The following AKAP6 variants were observed in gnomAD, a reference collection of about 807,000 sequenced individuals.
The protein encoded by AKAP6 is A-kinase anchoring protein 6.
A neutral mutation model predicts 188.5 loss-of-function variants in AKAP6; 58 were observed. The ratio of observed to expected loss-of-function variants is 0.31; its 90% CI spans 0.25 to 0.38. The LOEUF (loss-of-function observed/expected upper bound fraction) is 0.38, where lower values mean the gene tolerates loss of function less well. AKAP6 is among the 10% of genes least tolerant of loss of function. The pLI, the probability that AKAP6 is intolerant of heterozygous loss-of-function variation, is 1.00. For missense variants in AKAP6, 2,710 were observed against 2,740.0 expected, an observed-to-expected ratio of 0.99 and a Z score of 0.24; for synonymous variants, 989 against 998.6, an observed-to-expected ratio of 0.99 and a Z score of 0.18.
intron 7 of AKAP6, among the ~76,000 whole-genome samples, chr14:32,642,833 TA>T (rs1397325308): frequency 1.3e-5 from 2 of 152,134 alleles, no homozygotes; most frequent in Admixed American, 1.3e-4. Context: ...TAAATCCCAT[TA>T]AAAAATGGAT....
intron 12 of AKAP6, among the ~76,000 whole-genome samples, chr14:32,813,397 C>G (rs372476459): frequency 3.1e-4 from 38 of 123,848 alleles, no homozygotes; most frequent in Non-Finnish European, 4.2e-4. Context: ...CTACCCCCCC[C>G]CCCAACCCCT....
intron 13 of AKAP6, among the ~76,000 whole-genome samples, chr14:32,827,157 A>C (rs1031278124): frequency 6.6e-6 from 1 of 152,234 alleles, no homozygotes; most frequent in African/African-American, 2.4e-5. Flanking sequence ...ATTTAATGTC[A>C]AGAATACATA....
chr14:32,658,319 A>G (rs1004853689), intron 7 of AKAP6, among the ~76,000 whole-genome samples: 1 of 152,130 alleles, frequency 6.6e-6, no homozygotes, highest in Non-Finnish European at 1.5e-5. Flanking sequence ...TATAATTTCT[A>G]AAGAGCATCC....
chr14:32,475,396 C>A (rs1401779590), intron 2 of AKAP6, among the ~76,000 whole-genome samples: 1 of 152,152 alleles, frequency 6.6e-6, no homozygotes, highest in Admixed American at 6.5e-5. Context: ...TTCAGGCATC[C>A]CCTCCATTAA....
At chr14:32,777,036 C>T (rs1159682567) in intron 12 of AKAP6, among the ~76,000 whole-genome samples, 1 of 152,158 alleles carries the variant, frequency 6.6e-6, no homozygotes, top group Non-Finnish European at 1.5e-5. Context: ...TTCCCTCACT[C>T]ATAGTAGAAA....
intron 8 of AKAP6, among the ~76,000 whole-genome samples, chr14:32,683,014 G>A (rs1889756965): frequency 1.0e-5 from 1 of 96,404 alleles, no homozygotes; most frequent in Non-Finnish European, 2.0e-5. Context: ...TTGTTTTTGA[G>A]ACAAAGCCTT....
intron 2 of AKAP6, among the ~76,000 whole-genome samples, chr14:32,448,606 T>G (rs1259232727): frequency 6.6e-6 from 1 of 152,204 alleles, no homozygotes; most frequent in East Asian, 1.9e-4. Context: ...CTAAAGTGTG[T>G]GTTAACCTTT....
chr14:32,476,178 T>C (rs114138148), intron 2 of AKAP6, among the ~76,000 whole-genome samples: 2,146 of 152,300 alleles, frequency 0.014, 48 homozygotes, highest in African/African-American at 0.048. Flanking sequence ...TCAACAAATA[T>C]TTAATGCCTA....
At chr14:32,684,829 G>A (rs1181813941) in intron 8 of AKAP6, among the ~76,000 whole-genome samples, 19 of 151,852 alleles carry the variant, frequency 1.3e-4, no homozygotes, top group East Asian at 1.9e-4. Context: ...AATCATTAAC[G>A]AAATATTTAT....
intron 7 of AKAP6, among the ~76,000 whole-genome samples, chr14:32,631,137 G>T (rs1887252321): frequency 6.6e-6 from 1 of 151,930 alleles, no homozygotes; most frequent in African/African-American, 2.4e-5. Context: ...TTGTTTGAGA[G>T]ATTTGTTCTC....
intron 2 of AKAP6, among the ~76,000 whole-genome samples, chr14:32,500,293 G>T (rs1880542775): frequency 6.6e-6 from 1 of 152,156 alleles, no homozygotes; most frequent in Admixed American, 6.6e-5. Flanking sequence ...CATAACCCAT[G>T]ACCTGTTCAT....
chr14:32,765,782 A>G lies in AKAP6; in HGVS notation c.3373-7896A>G, dbSNP rs2032698951. Reference sequence around the variant, plus strand: ...TATCCACCCATGGTTGCAGAACCATAGTGATTGTATGGTATTAGTTATATC... The same window carrying G: ...TATCCACCCATGGTTGCAGAACCATGGTGATTGTATGGTATTAGTTATATC... On this transcript the variant is annotated intron_variant, in intron 11 of 13. Transcript: ENST00000280979. Among the ~76,000 whole-genome samples the G allele has an allele frequency of 1.3e-5, 2 of 151,932 alleles. 1 individual carries two copies. The highest frequency in any genetic ancestry group is 4.1e-4 in the South Asian group (2 of 4,830).
At chr14:32,762,683 A>G (rs879847863) in intron 11 of AKAP6, among the ~76,000 whole-genome samples, 10 of 150,028 alleles carry the variant, frequency 6.7e-5, no homozygotes, top group Non-Finnish European at 1.3e-4. Context: ...AGAAAAAAAT[A>G]CAAACTATTA....
At chr14:32,355,920 G>T (rs1038671847) in intron 1 of AKAP6, among the ~76,000 whole-genome samples, 2 of 151,788 alleles carry the variant, frequency 1.3e-5, no homozygotes. Flanking sequence ...GATTACAGGC[G>T]CCTGCCACCA....
chr14:32,638,823 A>G (rs1887631155), intron 7 of AKAP6, among the ~76,000 whole-genome samples: 1 of 151,988 alleles, frequency 6.6e-6, no homozygotes, highest in Admixed American at 6.6e-5. Flanking sequence ...ACTTGTTAAT[A>G]TTCATAATAT....
chr14:32,627,343 G>C (rs1887066171), intron 7 of AKAP6, among the ~76,000 whole-genome samples: 1 of 152,064 alleles, frequency 6.6e-6, no homozygotes, highest in Non-Finnish European at 1.5e-5. Flanking sequence ...TTGTAGCCCA[G>C]TTTGACTTGT....
intron 11 of AKAP6, among the ~76,000 whole-genome samples, chr14:32,742,992 G>A (rs12886313): frequency 0.79 from 119,459 of 152,050 alleles, 47,126 homozygotes; most frequent in East Asian, 0.91. Flanking sequence ...CTATTACTGT[G>A]TTGGGGCCTA....
chr14:32,618,475 C>G (rs893713786), intron 7 of AKAP6, among the ~76,000 whole-genome samples: 7 of 152,218 alleles, frequency 4.6e-5, no homozygotes, highest in Non-Finnish European at 7.3e-5. Context: ...AGTTACTTCA[C>G]TTGGAATAAT....
chr14:32,715,048 A>G (rs1206324929), intron 9 of AKAP6, among the ~76,000 whole-genome samples: 1 of 151,918 alleles, frequency 6.6e-6, no homozygotes, highest in Non-Finnish European at 1.5e-5. Context: ...CTGGAGAGCT[A>G]TATGGTCGAA....
Sources: allele counts gnomAD v4.1 joint callset (sites outside exome capture counted in the v4.1 genomes callset), GRCh38; gene constraint gnomAD v4.1.1; transcripts MANE v1.5; gene names NCBI Gene and HGNC (gene_info 2026-07-23, HGNC 2026-07-21).